STX3: variants seen among roughly 807,000 people sequenced by gnomAD.
STX3 encodes syntaxin 3.
Under a neutral mutation model 40.2 loss-of-function variants are expected in STX3, and 19 were observed. The observed-to-expected ratio is 0.47, with a 90% confidence interval of 0.33 to 0.69. The LOEUF is 0.69. STX3 is among the 30% of genes least tolerant of loss of function. The pLI, the probability that STX3 is intolerant of heterozygous loss-of-function variation, is 0.02. For missense variants in STX3, 364 were observed against 366.7 expected, an observed-to-expected ratio of 0.99 and a Z score of 0.06; for synonymous variants, 122 against 132.2, an observed-to-expected ratio of 0.92 and a Z score of 0.53.
intron 1 of STX3, among the ~76,000 whole-genome samples, chr11:59,759,687 C>T (rs1862929753): frequency 6.6e-6 from 1 of 152,128 alleles, no homozygotes; most frequent in African/African-American, 2.4e-5. Flanking sequence ...AAATCAACCA[C>T]CTGGGGCTCT....
At position 59,795,471 on chromosome 11, in the gene STX3, C is replaced by T; in HGVS notation, c.775C>T (p.Gln259Ter). 3 of 1,611,866 alleles carry T rather than the reference C, an allele frequency of 1.9e-6. No homozygotes were observed. The highest frequency in any genetic ancestry group is 2.5e-6 in the Non-Finnish European group (3 of 1,179,034). Residue 259 changes from glutamine to a stop codon, truncating the protein, a stop_gained, in exon 9 of 11, where the codon CAG becomes TAG. Coordinates refer to ENST00000337979, the MANE Select transcript of STX3 (RefSeq NM_004177.5). LOFTEE classifies it high-confidence loss of function. ...GAAAAAAGCTGTGAAATACCAGAGTCAGGCCCGGAAGGTGAGACTCTCCTG... is the reference window on the plus strand; with the variant it reads ...GAAAAAAGCTGTGAAATACCAGAGTTAGGCCCGGAAGGTGAGACTCTCCTG... ...ETKKAVKYQS[Q>*]ARKKLIIIIV... is the part of the protein sequence containing the mutation.
At chr11:59,757,638 C>T (rs1024498639) in intron 1 of STX3, among the ~76,000 whole-genome samples, 3 of 152,154 alleles carry the variant, frequency 2.0e-5, no homozygotes, top group African/African-American at 7.2e-5. Flanking sequence ...GAGGATTGTT[C>T]TGAAATCACA....
rs150142842 is a variant in STX3, at chr11:59,770,302, G to A, written c.31-2909G>A. Among the ~76,000 whole-genome samples, 6 of 143,662 alleles carry A rather than the reference G, an allele frequency of 4.2e-5. No individual in the cohort carries two copies. In the East Asian group the frequency reaches 1.3e-3, roughly 31 times the overall value. The allele number at this position is 143,662 out of a possible 152,430, so 94.2% of individuals were successfully genotyped here. On this transcript the variant is annotated intron_variant, in intron 1 of 10. Coordinates refer to ENST00000337979, the MANE Select transcript of STX3 (RefSeq NM_004177.5). ...TATGTGTGGAGTGTATGTGTGTAGG[G>A]TGTGTGTTTATATGTAGCGTGTGTG...
At position 59,788,965 on chromosome 11, in the gene STX3, A is replaced by G; in HGVS notation, c.289+18A>G. On this transcript the variant is annotated intron_variant, in intron 4 of 10. Transcript: ENST00000337979. Reference sequence around the variant, plus strand: ...ACTGAAGAGTAAGAAGGGAACAAAGAAAACAAGGCCGTCCCCACCACCATC... The same window carrying G: ...ACTGAAGAGTAAGAAGGGAACAAAGGAAACAAGGCCGTCCCCACCACCATC... 6.2e-7 allele frequency: 1 copy of G among 1,600,246 alleles called. No individual in the cohort carries two copies. The highest frequency in any genetic ancestry group is 1.3e-5 in the African/African-American group (1 of 74,814).
intron 10 of STX3, 137 bp downstream of exon 10, chr11:59,797,533 G>A (rs1207168779): frequency 6.2e-6 from 4 of 642,912 alleles, no homozygotes; most frequent in African/African-American, 1.8e-5. Context: ...TCAGTAGCCT[G>A]TGGATTCTTT....
Position 59,800,923 on chromosome 11 carries a change from TC to T in STX3, c.*101del. The T allele has an allele frequency of 6.5e-7, 1 of 1,536,274 alleles. No homozygotes were observed. Among genetic ancestry groups the T allele is most frequent in the Non-Finnish European group, 8.7e-7 (1 of 1,146,872 alleles). On this transcript the variant is annotated 3_prime_UTR_variant, in exon 11 of 11. Transcript: ENST00000337979. ...GATGAGAATGGAGTCTGAATGGCCT[TC>T]CTGAGAGCGAGTGCGACCCGTTCCT... is the stretch of plus-strand genomic sequence containing the variant.
In STX3 at chr11:59,801,287, G is replaced by GGC. The variant is rs1865876716; in HGVS notation, c.*464_*465dup. 2.0e-6 allele frequency: 2 copies of GGC among 1,003,774 alleles called. No homozygotes were observed. The highest frequency in any genetic ancestry group is 3.4e-5 in the African/African-American group (2 of 58,136). The allele number at this position is 1,003,774 out of a possible 1,614,324, so 62.2% of individuals were successfully genotyped here. On this transcript the variant is annotated 3_prime_UTR_variant, in exon 11 of 11. Transcript: ENST00000337979. ...ATTCTTCTAAGTTTGGCAACAAGAA[G>GGC]GCTTGGATCTGAGTCTTCTACCTGG...
intron 1 of STX3, among the ~76,000 whole-genome samples, chr11:59,758,143 A>C (rs506384): frequency 6.6e-6 from 1 of 152,096 alleles, no homozygotes; most frequent in African/African-American, 2.4e-5. Context: ...CAAAGAGAAC[A>C]TGTGGGGTTG....
At chr11:59,796,239 G>A (rs918994797) in intron 9 of STX3, among the ~76,000 whole-genome samples, 4 of 152,328 alleles carry the variant, frequency 2.6e-5, no homozygotes, top group Non-Finnish European at 5.9e-5. Context: ...CACCTAGTAA[G>A]TAGAGGCACT....
intron 10 of STX3, chr11:59,800,322 A>G (rs1016943700): frequency 7.1e-6 from 7 of 985,282 alleles, no homozygotes; most frequent in African/African-American, 3.5e-5. Flanking sequence ...CTCTAAGATC[A>G]TAGTATCCTC....
chr11:59,780,837 G>A (rs1864323118), intron 2 of STX3, among the ~76,000 whole-genome samples: 1 of 152,078 alleles, frequency 6.6e-6, no homozygotes, highest in African/African-American at 2.4e-5. Flanking sequence ...AACTAGATAG[G>A]TTTTCACTTT....
Position 59,801,920 on chromosome 11 carries a change from C to G in STX3, c.*1096C>G. The G allele has an allele frequency of 1.0e-6, 1 of 985,394 alleles. No homozygotes were observed. Among genetic ancestry groups the G allele is most frequent in the Non-Finnish European group, 1.2e-6 (1 of 829,924 alleles). 61.0% of individuals were successfully genotyped at this position (985,394 alleles called of 1,614,324 possible). ...CTGTGGAAATGTGATCTTCCCATAT[C>G]ATCAAGAAACTTGTTTTCTGGATGA... On this transcript the variant is annotated 3_prime_UTR_variant, in exon 11 of 11. Coordinates refer to ENST00000337979, the MANE Select transcript of STX3 (RefSeq NM_004177.5).
In STX3 at chr11:59,787,045, A is replaced by G; in HGVS notation, c.123A>G (p.Glu41=). ...FMDEFFSEIE[E]TRLNIDKISE... Reference sequence around the variant, plus strand: ...TGTCTTTCTGATTATAGATTGAGGAAACTCGGCTTAACATTGACAAGATCT... The same window carrying G: ...TGTCTTTCTGATTATAGATTGAGGAGACTCGGCTTAACATTGACAAGATCT... Residue 41 remains glutamate (E), a synonymous_variant, in exon 3 of 11, where the codon GAA becomes GAG. Transcript: ENST00000337979. 6.2e-7 allele frequency: 1 copy of G among 1,614,018 alleles called. No homozygotes were observed.
At chr11:59,776,725 C>G (rs1863984938) in intron 2 of STX3, among the ~76,000 whole-genome samples, 1 of 152,196 alleles carries the variant, frequency 6.6e-6, no homozygotes, top group African/African-American at 2.4e-5. Context: ...AGGGTGTTTT[C>G]AGAATGTGAT....
intron 8 of STX3, among the ~76,000 whole-genome samples, 173 bp from the exon 9 acceptor site, chr11:59,795,199 C>A (rs899311908): frequency 2.0e-5 from 3 of 152,182 alleles, no homozygotes; most frequent in Non-Finnish European, 4.4e-5. Flanking sequence ...GAACAAGTGA[C>A]TGCCACCCCA....
chr11:59,789,215 T>C, intron 4 of STX3: 1 of 303,722 alleles, frequency 3.3e-6, no homozygotes, highest in South Asian at 3.7e-5. Flanking sequence ...AGTAGTTTTG[T>C]GACTTGGTCC....
At chr11:59,789,448 T>TC (rs528987829) in intron 4 of STX3, among the ~76,000 whole-genome samples, 3 of 151,936 alleles carry the variant, frequency 2.0e-5, no homozygotes, top group Admixed American at 6.6e-5. Flanking sequence ...CATACTTTTT[T>TC]TTTTTTTTTT....
rs1010931041 is a variant in STX3, at chr11:59,803,085, C to G, written c.*2261C>G. On this transcript the variant is annotated 3_prime_UTR_variant, in exon 11 of 11. Coordinates refer to ENST00000337979, the MANE Select transcript of STX3 (RefSeq NM_004177.5). ...GCATTCTGGGTCCTAGAAGCCAGAT[C>G]CATCTCCTTTTTCCTTCTGTTGCTC... is the stretch of plus-strand genomic sequence containing the variant. 3 of 1,227,706 alleles carry G rather than the reference C, an allele frequency of 2.4e-6. No individual in the cohort carries two copies. The African/African-American group carries it at 4.7e-5, about 19-fold the overall frequency. The allele number at this position is 1,227,706 out of a possible 1,614,324, so 76.1% of individuals were successfully genotyped here.
intron 10 of STX3, 139 bp from the exon 11 acceptor site, chr11:59,800,715 CA>C: frequency 6.8e-7 from 1 of 1,465,164 alleles, no homozygotes; most frequent in South Asian, 1.4e-5. Flanking sequence ...TATTTAACTC[CA>C]AGTTCTGTCC....
Sources: allele counts gnomAD v4.1 joint callset (sites outside exome capture counted in the v4.1 genomes callset), GRCh38; gene constraint gnomAD v4.1.1; transcripts MANE v1.5; gene names NCBI Gene and HGNC (gene_info 2026-07-23, HGNC 2026-07-21).